TMEM177: variants seen among roughly 807,000 people sequenced by gnomAD.
TMEM177 encodes the protein transmembrane protein 177.
A neutral mutation model predicts 14.2 loss-of-function variants in TMEM177; 4 were observed. The ratio of observed to expected loss-of-function variants is 0.28; its 90% CI spans 0.14 to 0.64. The LOEUF is 0.64. Among genes scored for constraint, TMEM177 ranks in the 30% least tolerant of loss-of-function variants. The pLI is 0.82. For synonymous variants in TMEM177, 179 were observed against 174.5 expected (o/e 1.03, Z -0.20); for missense variants, 344 against 405.2 (o/e 0.85, Z 1.30).
the TMEM177 span, among the ~76,000 whole-genome samples, chr2:119,713,101 C>G: frequency 1.3e-5 from 2 of 150,064 alleles, no homozygotes; most frequent in Non-Finnish European, 3.0e-5. Flanking sequence ...TGGAGTTTTG[C>G]TCTTGTTGCC....
the TMEM177 span, among the ~76,000 whole-genome samples, chr2:119,712,222 G>C: frequency 5.7e-4 from 87 of 151,998 alleles, 4 homozygotes; most frequent in East Asian, 0.017. Context: ...TTGATAGGTG[G>C]ATTGTTGCTG....
At chr2:119,707,126 TG>T in the TMEM177 span, among the ~76,000 whole-genome samples, 1 of 152,124 alleles carries the variant, frequency 6.6e-6, no homozygotes, top group African/African-American at 2.4e-5. Context: ...TTAGCCAGGC[TG>T]GTCTCGAACT....
the TMEM177 span, among the ~76,000 whole-genome samples, chr2:119,713,949 C>A: frequency 6.6e-6 from 1 of 152,252 alleles, no homozygotes; most frequent in Admixed American, 6.5e-5. Flanking sequence ...GTCTTCCCTC[C>A]TGGCCTGGAG....
chr2:119,693,657 C>T, the TMEM177 span, among the ~76,000 whole-genome samples: 1 of 152,144 alleles, frequency 6.6e-6, no homozygotes, highest in Admixed American at 6.5e-5. Flanking sequence ...CTGACATTCT[C>T]TAAATACCTG....
the TMEM177 span, among the ~76,000 whole-genome samples, chr2:119,695,538 G>A: frequency 6.6e-6 from 1 of 152,194 alleles, no homozygotes. Context: ...GAGTGGGTGG[G>A]GGATATGGGA....
the TMEM177 span, among the ~76,000 whole-genome samples, chr2:119,704,739 A>G: frequency 2.0e-5 from 3 of 152,106 alleles, no homozygotes; most frequent in Non-Finnish European, 4.4e-5. Context: ...TAAGCCAAAA[A>G]CCCAGCTTAG....
the TMEM177 span, among the ~76,000 whole-genome samples, chr2:119,721,000 TAAAG>T: frequency 6.6e-6 from 1 of 152,238 alleles, no homozygotes; most frequent in Non-Finnish European, 1.5e-5. Flanking sequence ...GGTTGTATAA[TAAAG>T]AATTTGTCTG....
the TMEM177 span, chr2:119,700,289 T>C: frequency 6.5e-6 from 1 of 153,948 alleles, no homozygotes; most frequent in African/African-American, 2.4e-5. Flanking sequence ...CTGGGTGCCA[T>C]GGGAATCTGC....
the TMEM177 span, among the ~76,000 whole-genome samples, chr2:119,706,061 G>A: frequency 9.0e-6 from 1 of 111,270 alleles, no homozygotes; most frequent in South Asian, 2.8e-4. Flanking sequence ...GTCTCGCTCT[G>A]TCACCCAGGC....
downstream of TMEM177, among the ~76,000 whole-genome samples, chr2:119,683,537 T>A (rs991812654): frequency 2.7e-4 from 41 of 152,030 alleles, no homozygotes; most frequent in Non-Finnish European, 6.0e-4. Flanking sequence ...CCCCAACCCA[T>A]CTGCTCTCAG....
At chr2:119,697,976 T>G in the TMEM177 span, among the ~76,000 whole-genome samples, 1 of 152,074 alleles carries the variant, frequency 6.6e-6, no homozygotes. Flanking sequence ...TGAGGCATAA[T>G]AAATTATTTT....
downstream of TMEM177, among the ~76,000 whole-genome samples, chr2:119,683,203 T>C (rs1444314977): frequency 1.3e-5 from 2 of 152,152 alleles, no homozygotes; most frequent in Non-Finnish European, 2.9e-5. Context: ...TGGAGCTCAG[T>C]GTGCTGGGCC....
At chr2:119,704,805 C>T in the TMEM177 span, among the ~76,000 whole-genome samples, 1 of 152,154 alleles carries the variant, frequency 6.6e-6, no homozygotes, top group Non-Finnish European at 1.5e-5. Flanking sequence ...TGTGTGACCT[C>T]AGTGTTATAA....
chr2:119,709,652 C>G, the TMEM177 span, among the ~76,000 whole-genome samples: 1 of 152,068 alleles, frequency 6.6e-6, no homozygotes, highest in Non-Finnish European at 1.5e-5. Flanking sequence ...GGTGAAACCC[C>G]GTCTCTACTA....
the TMEM177 span, among the ~76,000 whole-genome samples, chr2:119,713,192 C>T: frequency 6.6e-6 from 1 of 152,038 alleles, no homozygotes; most frequent in East Asian, 1.9e-4. Context: ...GCCTCAGCCT[C>T]CTGAGTAGCT....
the TMEM177 span, among the ~76,000 whole-genome samples, chr2:119,709,642 G>C: frequency 6.6e-6 from 1 of 152,160 alleles, no homozygotes; most frequent in Non-Finnish European, 1.5e-5. Context: ...TGGCTAACAT[G>C]GTGAAACCCC....
At chr2:119,699,055 GA>G in the TMEM177 span, 2 of 204,570 alleles carry the variant, frequency 9.8e-6, no homozygotes, top group Non-Finnish European at 2.1e-5. Flanking sequence ...GTGCTTATAT[GA>G]AAAGCCACGA....
chr2:119,718,580 G>A, the TMEM177 span, among the ~76,000 whole-genome samples: 1 of 152,140 alleles, frequency 6.6e-6, no homozygotes, highest in African/African-American at 2.4e-5. Flanking sequence ...AGAGGAAATC[G>A]CCATCTCACT....
the TMEM177 span, chr2:119,700,189 A>C: frequency 1.4e-4 from 25 of 175,262 alleles, no homozygotes; most frequent in African/African-American, 5.7e-4. Context: ...ATTAAAAGGA[A>C]ACAGAAAGAA....
Sources: allele counts gnomAD v4.1 joint callset (sites outside exome capture counted in the v4.1 genomes callset), GRCh38; gene constraint gnomAD v4.1.1; transcripts MANE v1.5; gene names NCBI Gene and HGNC (gene_info 2026-07-23, HGNC 2026-07-21).